The following RAB3C variants were observed in gnomAD, a reference collection of about 807,000 sequenced individuals.
RAB3C encodes the protein ras-related protein Rab-3C.
In RAB3C, 17 loss-of-function variants were observed where a neutral mutation model predicts 26.4. The ratio of observed to expected loss-of-function variants is 0.64; its 90% confidence interval spans 0.44 to 0.97. RAB3C has a LOEUF of 0.97. RAB3C is among the 50% of genes least tolerant of loss of function. The probability of loss-of-function intolerance (pLI) is 0.00; values close to 1 mark genes in which losing one functional copy is unlikely to be tolerated. For synonymous variants in RAB3C, 91 were observed against 95.9 expected (o/e 0.95, Z 0.30); for missense variants, 242 against 281.9 (o/e 0.86, Z 1.01).
At chr5:58,709,629 A>G (rs1749017157) in intron 2 of RAB3C, among the ~76,000 whole-genome samples, 1 of 152,206 alleles carries the variant, frequency 6.6e-6, no homozygotes, top group Non-Finnish European at 1.5e-5. Flanking sequence ...AGGTTTATCA[A>G]GCCTGGCCCG....
intron 2 of RAB3C, among the ~76,000 whole-genome samples, chr5:58,644,176 G>A (rs1227899943): frequency 4.0e-5 from 6 of 151,712 alleles, no homozygotes; most frequent in African/African-American, 1.4e-4. Context: ...TAATATTTGT[G>A]GAATAAAAGA....
At chr5:58,765,790 C>A (rs1741888562) in intron 3 of RAB3C, among the ~76,000 whole-genome samples, 1 of 152,114 alleles carries the variant, frequency 6.6e-6, no homozygotes, top group Admixed American at 6.5e-5. Flanking sequence ...TGTGTCCCCG[C>A]CCAAATTTCA....
Position 58,852,643 on chromosome 5 carries a change from T to G in RAB3C, c.*1292T>G, listed in dbSNP as rs999864270. The G allele has an allele frequency of 3.3e-5, 5 of 152,176 alleles. No individual in the cohort carries two copies. Among genetic ancestry groups the G allele is most frequent in the African/African-American group, 1.2e-4 (5 of 41,444 alleles). 9.4% of individuals were successfully genotyped at this position (152,176 alleles called of 1,614,324 possible). A position where few individuals can be genotyped will look rare whatever the true frequency, so the allele number is the denominator to read the frequency against. ...AGGAAACCACTGGAGCATTCTAATT[T>G]TGTATCACAAACTTCCTAAAGGACC... On this transcript the variant is annotated 3_prime_UTR_variant, in exon 5 of 5. Transcript: ENST00000282878.
rs1395444720 is a variant in RAB3C at position 58,804,758 on chromosome 5, C to T, written c.372-20280C>T. Among the ~76,000 whole-genome samples, 129 of 151,904 alleles carry T rather than the reference C, an allele frequency of 8.5e-4. 3 individuals carry two copies. The highest frequency in any genetic ancestry group is 8.5e-3 in the Admixed American group (129 of 15,222). On this transcript the variant is annotated intron_variant, in intron 3 of 4. Transcript: ENST00000282878. ...AGCAATGTTCATACACACCATTAAA[C>T]TAACATCCTTTCTTGCAAAAAGAAC...
At chr5:58,813,386 AT>A (rs1743129470) in intron 3 of RAB3C, among the ~76,000 whole-genome samples, 1 of 151,808 alleles carries the variant, frequency 6.6e-6, no homozygotes, top group African/African-American at 2.4e-5. Context: ...TTAACAGGAC[AT>A]TTAGGCCTCC....
At chr5:58,712,761 G>A (rs1749089259) in intron 2 of RAB3C, among the ~76,000 whole-genome samples, 1 of 152,188 alleles carries the variant, frequency 6.6e-6, no homozygotes, top group Non-Finnish European at 1.5e-5. Flanking sequence ...CTAACCTCCA[G>A]TGATCCACCC....
chr5:58,640,495 A>G (rs190692019), intron 2 of RAB3C, among the ~76,000 whole-genome samples: 2 of 152,356 alleles, frequency 1.3e-5, no homozygotes, highest in Admixed American at 1.3e-4. Flanking sequence ...AAATGCCAGG[A>G]AAGTTGGCAA....
At chr5:58,737,433 AT>A (rs1561305204) in intron 3 of RAB3C, among the ~76,000 whole-genome samples, 5,416 of 98,104 alleles carry the variant, frequency 0.055, 408 homozygotes, top group East Asian at 0.11. Flanking sequence ...ATATATATAT[AT>A]ATATATATAT....
intron 2 of RAB3C, among the ~76,000 whole-genome samples, chr5:58,723,533 A>T (rs1435497728): frequency 6.6e-6 from 1 of 151,856 alleles, no homozygotes; most frequent in Non-Finnish European, 1.5e-5. Flanking sequence ...CGAATAGGAT[A>T]TAACACACAA....
intron 3 of RAB3C, among the ~76,000 whole-genome samples, chr5:58,797,979 G>GT (rs1330614251): frequency 6.6e-6 from 1 of 152,062 alleles, no homozygotes; most frequent in Non-Finnish European, 1.5e-5. Context: ...TGTGTCAAGA[G>GT]TTTTTTTGTC....
chr5:58,805,908 C>A (rs2459405), intron 3 of RAB3C, among the ~76,000 whole-genome samples: 1 of 151,670 alleles, frequency 6.6e-6, no homozygotes. Flanking sequence ...GTATACATAA[C>A]CAGGTTTCTA....
intron 3 of RAB3C, among the ~76,000 whole-genome samples, chr5:58,743,136 T>G (rs564625531): frequency 1.3e-5 from 2 of 152,182 alleles, no homozygotes; most frequent in African/African-American, 4.8e-5. Flanking sequence ...TACTTAACTT[T>G]TCTCAGCCTT....
At chr5:58,701,286 C>T (rs1177376296) in intron 2 of RAB3C, among the ~76,000 whole-genome samples, 1 of 152,192 alleles carries the variant, frequency 6.6e-6, no homozygotes, top group Non-Finnish European at 1.5e-5. Flanking sequence ...CAGGCGTGAG[C>T]TACTGCGCCC....
At chr5:58,622,789 A>C (rs1579822390) in intron 2 of RAB3C, among the ~76,000 whole-genome samples, 1 of 152,326 alleles carries the variant, frequency 6.6e-6, no homozygotes, top group East Asian at 1.9e-4. Context: ...ATAGCAAGGA[A>C]ACAGAAAACC....
intron 3 of RAB3C, among the ~76,000 whole-genome samples, chr5:58,789,205 C>T (rs1742465608): frequency 6.6e-6 from 1 of 152,098 alleles, no homozygotes; most frequent in Non-Finnish European, 1.5e-5. Context: ...CACCGCTGTT[C>T]TGCTTGGGGT....
Position 58,652,612 on chromosome 5 carries a change from A to G in RAB3C, c.252+34742A>G, listed in dbSNP as rs1747680242. ...AGAGATGCAGTTAATTATACATTGC[A>G]ACTTGCAGTTTCAAACCTCTGGTAC... is the stretch of plus-strand genomic sequence containing the variant. On this transcript the variant is annotated intron_variant, in intron 2 of 4. Coordinates refer to ENST00000282878, the MANE Select transcript of RAB3C (RefSeq NM_138453.4). Among the ~76,000 whole-genome samples, 6 of 151,968 alleles carry G rather than the reference A, an allele frequency of 3.9e-5. 1 individual carries two copies. The South Asian group carries it at 1.2e-3, about 32-fold the overall frequency.
chr5:58,607,437 T>C (rs568780379), intron 1 of RAB3C, among the ~76,000 whole-genome samples: 2 of 152,266 alleles, frequency 1.3e-5, no homozygotes, highest in East Asian at 3.9e-4. Context: ...CTACGTTTGA[T>C]TAGTGTACCT....
At chr5:58,739,670 A>T (rs764852683) in intron 3 of RAB3C, among the ~76,000 whole-genome samples, 1 of 152,212 alleles carries the variant, frequency 6.6e-6, no homozygotes, top group Admixed American at 6.5e-5. Context: ...GTATTCTCAC[A>T]TACTGTTCCC....
At chr5:58,666,432 G>T (rs1049582257) in intron 2 of RAB3C, among the ~76,000 whole-genome samples, 2 of 152,118 alleles carry the variant, frequency 1.3e-5, no homozygotes, top group African/African-American at 4.8e-5. Flanking sequence ...GAAAACCACT[G>T]CGGGGGACAA....
Sources: gnomAD v4.1 joint callset for allele counts (sites outside exome capture counted in the v4.1 genomes callset) on GRCh38, gnomAD v4.1.1 for gene constraint, MANE v1.5 for transcripts, NCBI Gene and HGNC (gene_info 2026-07-23, HGNC 2026-07-21) for gene names.